NT5DC1: variants seen among roughly 807,000 people sequenced by gnomAD.
The protein encoded by NT5DC1 is 5'-nucleotidase domain containing 1.
Under a neutral mutation model 59.4 loss-of-function variants are expected in NT5DC1, and 42 were observed. That is an observed-to-expected ratio of 0.71 (90% confidence interval 0.55 to 0.92). The LOEUF (loss-of-function observed/expected upper bound fraction) is 0.92. Ranked by LOEUF, NT5DC1 falls within the 40% of genes least tolerant of loss-of-function variation. NT5DC1 has a pLI of 0.00. For synonymous variants in NT5DC1, 172 were observed against 188.1 expected, an observed-to-expected ratio of 0.91 and a Z score of 0.70; for missense variants, 501 against 537.1, an observed-to-expected ratio of 0.93 and a Z score of 0.66.
intron 8 of NT5DC1, among the ~76,000 whole-genome samples, chr6:116,232,220 A>G (rs1479957736): frequency 1.3e-5 from 2 of 152,178 alleles, no homozygotes; most frequent in Non-Finnish European, 2.9e-5. Flanking sequence ...TAAAGGCTCC[A>G]TCTCTAAATA....
intron 6 of NT5DC1, among the ~76,000 whole-genome samples, chr6:116,202,413 C>T (rs747554851): frequency 2.0e-5 from 3 of 151,952 alleles, no homozygotes; most frequent in Admixed American, 6.6e-5. Context: ...GAGTTTTGTT[C>T]GCCATACTCT....
At chr6:116,194,392 G>A (rs1033518677) in intron 6 of NT5DC1, among the ~76,000 whole-genome samples, 3 of 151,960 alleles carry the variant, frequency 2.0e-5, no homozygotes, top group Non-Finnish European at 4.4e-5. Context: ...TAGAAACAAA[G>A]CCTAGAAAGG....
intron 6 of NT5DC1, among the ~76,000 whole-genome samples, chr6:116,189,849 T>G (rs1287980867): frequency 6.6e-6 from 1 of 152,048 alleles, no homozygotes; most frequent in Non-Finnish European, 1.5e-5. Flanking sequence ...AGCTAAATGC[T>G]TCCGTTCAGG....
chr6:116,184,880 T>C (rs1780962545), intron 6 of NT5DC1, among the ~76,000 whole-genome samples: 1 of 152,076 alleles, frequency 6.6e-6, no homozygotes, highest in Non-Finnish European at 1.5e-5. Context: ...AATTTTTAGC[T>C]TTGCTCTGAT....
chr6:116,149,229 A>G (rs1779972842), intron 6 of NT5DC1, among the ~76,000 whole-genome samples: 1 of 152,208 alleles, frequency 6.6e-6, no homozygotes, highest in Non-Finnish European at 1.5e-5. Context: ...GACACAATTT[A>G]AGTTACTAGG....
At chr6:116,216,225 C>G (rs1301169779) in intron 6 of NT5DC1, among the ~76,000 whole-genome samples, 1 of 152,070 alleles carries the variant, frequency 6.6e-6, no homozygotes, top group East Asian at 1.9e-4. Context: ...AATAAAGATA[C>G]TATAAAATTC....
chr6:116,212,637 C>T (rs530719621), intron 6 of NT5DC1, among the ~76,000 whole-genome samples: 1 of 152,190 alleles, frequency 6.6e-6, no homozygotes, highest in East Asian at 1.9e-4. Flanking sequence ...CCTTTGAATA[C>T]CAATCTAGTT....
chr6:116,205,934 G>A lies in NT5DC1; in HGVS notation c.530-15120G>A, dbSNP rs763059680. Reference sequence around the variant, plus strand: ...TTTCATATCTGCACAATGAGATTAGGTTTTGTGGTCCCCAAGGTTCTAATA... The same window carrying A: ...TTTCATATCTGCACAATGAGATTAGATTTTGTGGTCCCCAAGGTTCTAATA... On this transcript the variant is annotated intron_variant, in intron 6 of 11. Coordinates refer to ENST00000319550, the MANE Select transcript of NT5DC1 (RefSeq NM_152729.3). Among the ~76,000 whole-genome samples, 8 of 152,006 alleles carry A rather than the reference G, an allele frequency of 5.3e-5. No individual in the cohort carries two copies. In the South Asian group the frequency reaches 8.3e-4, roughly 16 times the overall value.
intron 6 of NT5DC1, among the ~76,000 whole-genome samples, chr6:116,126,622 C>A (rs998931606): frequency 6.6e-6 from 1 of 151,772 alleles, no homozygotes; most frequent in East Asian, 1.9e-4. Context: ...AATAGCTGAC[C>A]CCAATTCTTA....
At chr6:116,114,807 C>T (rs549070707) in intron 4 of NT5DC1, among the ~76,000 whole-genome samples, 45 of 152,204 alleles carry the variant, frequency 3.0e-4, no homozygotes, top group African/African-American at 1.1e-3. Flanking sequence ...GAGAATACCT[C>T]CTAGAGTTGT....
intron 6 of NT5DC1, among the ~76,000 whole-genome samples, chr6:116,154,502 T>G (rs188006127): frequency 6.6e-6 from 1 of 152,196 alleles, no homozygotes; most frequent in Non-Finnish European, 1.5e-5. Context: ...TATGTTAACC[T>G]TAATTTAAGT....
chr6:116,188,671 T>C (rs1781054605), intron 6 of NT5DC1, among the ~76,000 whole-genome samples: 1 of 151,374 alleles, frequency 6.6e-6, no homozygotes, highest in Non-Finnish European at 1.5e-5. Flanking sequence ...TCAAGGGTGG[T>C]ATCAGAGGAC....
At chr6:116,175,099 ATAATTTATAT>A (rs1780702662) in intron 6 of NT5DC1, among the ~76,000 whole-genome samples, 1 of 152,190 alleles carries the variant, frequency 6.6e-6, no homozygotes, top group African/African-American at 2.4e-5. Flanking sequence ...TTCTTGAGAT[ATAATTTATAT>A]ACAATAAAAT....
intron 6 of NT5DC1, among the ~76,000 whole-genome samples, chr6:116,195,407 CT>C (rs1212300607): frequency 6.6e-6 from 1 of 151,238 alleles, no homozygotes; most frequent in Non-Finnish European, 1.5e-5. Flanking sequence ...ATTAAATTAA[CT>C]TTTTTTTTAT....
intron 6 of NT5DC1, among the ~76,000 whole-genome samples, chr6:116,163,119 T>C (rs1360941411): frequency 1.2e-4 from 9 of 74,332 alleles, no homozygotes; most frequent in Non-Finnish European, 1.9e-4. Context: ...ACAGCGAGAC[T>C]CCGTCTCAAA....
At chr6:116,121,668 C>A (rs1478373203) in intron 6 of NT5DC1, 5 of 1,613,886 alleles carry the variant, frequency 3.1e-6, no homozygotes, top group Non-Finnish European at 4.2e-6. Context: ...GAAATTCCAG[C>A]CGGTCCAGGG....
chr6:116,240,950 T>G (rs1219738478), intron 11 of NT5DC1, among the ~76,000 whole-genome samples: 2 of 151,816 alleles, frequency 1.3e-5, no homozygotes, highest in Non-Finnish European at 2.9e-5. Context: ...TTGAGACCAG[T>G]CTGGCCAACA....
At chr6:116,158,107 G>A (rs2114417960) in intron 6 of NT5DC1, among the ~76,000 whole-genome samples, 1 of 152,210 alleles carries the variant, frequency 6.6e-6, no homozygotes, top group Middle Eastern at 3.4e-3. Context: ...GAACTTTCTA[G>A]TTTCAATAGC....
chr6:116,186,786 G>C (rs560988812), intron 6 of NT5DC1, among the ~76,000 whole-genome samples: 1 of 151,936 alleles, frequency 6.6e-6, no homozygotes, highest in East Asian at 1.9e-4. Context: ...TTCGTATCCT[G>C]TATCATTTTT....
Sources: gnomAD v4.1 joint callset for allele counts (sites outside exome capture counted in the v4.1 genomes callset) on GRCh38, gnomAD v4.1.1 for gene constraint, MANE v1.5 for transcripts, NCBI Gene and HGNC (gene_info 2026-07-23, HGNC 2026-07-21) for gene names.